Variants in NUDCD1 observed in about 807,000 individuals in gnomAD.
NUDCD1 encodes NudC domain containing 1.
In NUDCD1, 60 loss-of-function variants were observed where a neutral mutation model predicts 67.8. The ratio of observed to expected loss-of-function variants is 0.88; its 90% CI spans 0.72 to 1.10. The LOEUF (loss-of-function observed/expected upper bound fraction) is 1.10. Among genes scored for constraint, NUDCD1 ranks in the 50% least tolerant of loss-of-function variants. The probability of loss-of-function intolerance (pLI) is 0.00; values close to 1 mark genes in which losing one functional copy is unlikely to be tolerated. For missense variants in NUDCD1, 643 were observed against 695.0 expected (o/e 0.93, Z 0.84); for synonymous variants, 244 against 230.8 (o/e 1.06, Z -0.52).
intron 2 of NUDCD1, among the ~76,000 whole-genome samples, chr8:109,321,085 A>G (rs189162882): frequency 1.0e-3 from 155 of 152,370 alleles, no homozygotes; most frequent in African/African-American, 3.7e-3. Flanking sequence ...TATTAAAAAC[A>G]TGGATTTTGC....
intron 8 of NUDCD1, among the ~76,000 whole-genome samples, chr8:109,256,669 C>CTTTAGATTAT (rs1201551551): frequency 6.6e-6 from 1 of 152,060 alleles, no homozygotes; most frequent in African/African-American, 2.4e-5. Context: ...TGAAAGATAA[C>CTTTAGATTAT]TTTAGATTAC....
intron 2 of NUDCD1, among the ~76,000 whole-genome samples, chr8:109,317,496 T>C (rs1815426941): frequency 6.6e-6 from 1 of 152,176 alleles, no homozygotes; most frequent in Non-Finnish European, 1.5e-5. Context: ...TGGATAATAA[T>C]AGTATCTGGT....
At chr8:109,302,593 C>T (rs778244392) in intron 2 of NUDCD1, among the ~76,000 whole-genome samples, 29 of 152,142 alleles carry the variant, frequency 1.9e-4, no homozygotes, top group African/African-American at 6.3e-4. Context: ...GGCTTAGTTT[C>T]GTTCTGTGAC....
At chr8:109,275,272 TG>T in intron 7 of NUDCD1, 79 bp downstream of exon 7, 2 of 1,367,302 alleles carry the variant, frequency 1.5e-6, no homozygotes, top group Non-Finnish European at 2.0e-6. Flanking sequence ...AGCAAAATAT[TG>T]TTTGAAAAGC....
At chr8:109,257,209 T>C (rs1336620844) in intron 8 of NUDCD1, among the ~76,000 whole-genome samples, 1 of 152,148 alleles carries the variant, frequency 6.6e-6, no homozygotes, top group Non-Finnish European at 1.5e-5. Flanking sequence ...GAAGTTAAAC[T>C]GTCTTTATTC....
At chr8:109,255,825 G>A (rs1391918743) in intron 8 of NUDCD1, among the ~76,000 whole-genome samples, 1 of 152,150 alleles carries the variant, frequency 6.6e-6, no homozygotes, top group East Asian at 1.9e-4. Flanking sequence ...GAACATTTCA[G>A]GCAGAGATAA....
At chr8:109,329,862 A>C in intron 1 of NUDCD1, 2 of 1,549,276 alleles carry the variant, frequency 1.3e-6, no homozygotes, top group East Asian at 4.9e-5. Flanking sequence ...GGGACCCTTC[A>C]ATACAAAATC....
At chr8:109,304,302 T>G (rs372235439) in intron 2 of NUDCD1, among the ~76,000 whole-genome samples, 12 of 152,298 alleles carry the variant, frequency 7.9e-5, no homozygotes, top group African/African-American at 2.9e-4. Context: ...CTGACCTCCA[T>G]GACTGTATCT....
At chr8:109,326,451 C>T (rs1815683873) in intron 1 of NUDCD1, among the ~76,000 whole-genome samples, 1 of 152,178 alleles carries the variant, frequency 6.6e-6, no homozygotes, top group South Asian at 2.1e-4. Flanking sequence ...TTCTTAGCTA[C>T]TGGCAGAGCT....
At chr8:109,253,879 T>G (rs1464572863) in intron 8 of NUDCD1, among the ~76,000 whole-genome samples, 1 of 152,150 alleles carries the variant, frequency 6.6e-6, no homozygotes, top group Non-Finnish European at 1.5e-5. Context: ...AAAAGGATAT[T>G]GCATCATAAT....
At chr8:109,329,923 C>T in intron 1 of NUDCD1, 1 of 1,524,690 alleles carries the variant, frequency 6.6e-7, no homozygotes, top group East Asian at 2.5e-5. Flanking sequence ...ATGATAAAGT[C>T]TATGAAGTAC....
At chr8:109,332,477 C>A (rs1447002918) in intron 1 of NUDCD1, among the ~76,000 whole-genome samples, 1 of 152,104 alleles carries the variant, frequency 6.6e-6, no homozygotes, top group South Asian at 2.1e-4. Flanking sequence ...CAAGAGGAGA[C>A]CATGTGAAAG....
chr8:109,294,946 C>CTCCCA (rs1814807367), intron 3 of NUDCD1, among the ~76,000 whole-genome samples: 1 of 151,998 alleles, frequency 6.6e-6, no homozygotes, highest in Admixed American at 6.6e-5. Context: ...CACAGTATCC[C>CTCCCA]TCCCACCTCA....
chr8:109,288,898 G>A (rs546920748), intron 5 of NUDCD1, among the ~76,000 whole-genome samples: 1 of 152,084 alleles, frequency 6.6e-6, no homozygotes, highest in Admixed American at 6.5e-5. Context: ...TTATTACAGA[G>A]GAATGTTCTC....
intron 2 of NUDCD1, among the ~76,000 whole-genome samples, chr8:109,306,564 A>G (rs920778818): frequency 7.9e-5 from 12 of 151,972 alleles, no homozygotes; most frequent in Non-Finnish European, 1.6e-4. Flanking sequence ...GTGGTATATG[A>G]CAACATAAAA....
In NUDCD1 at chr8:109,287,386, T is replaced by C. The variant is rs562972604; in HGVS notation, c.823+2365A>G. 3.9e-5 allele frequency among the ~76,000 whole-genome samples: 6 copies of C among 152,226 alleles called. No homozygotes were observed. In the South Asian group the frequency reaches 6.2e-4, roughly 16 times the overall value. ...CCACAGTAAAGACATGGAATCAACA[T>C]AGGTGCCCATCAACAGTGGACTGAA... On this transcript the variant is annotated intron_variant, in intron 5 of 9. Transcript: ENST00000239690.
rs534743574 is a variant in NUDCD1, at chr8:109,286,873, A to G, written c.823+2878T>C. Among the ~76,000 whole-genome samples the G allele has an allele frequency of 5.4e-4, 82 of 152,280 alleles. 1 individual carries two copies. The highest frequency in any genetic ancestry group is 1.9e-3 in the African/African-American group (79 of 41,584). ...GAAAATATTTGCAACTACGCACCCA[A>G]CAGAAGTCTAATATCAAGGCTCTAT... On this transcript the variant is annotated intron_variant, in intron 5 of 9. Transcript: ENST00000239690.
intron 5 of NUDCD1, among the ~76,000 whole-genome samples, chr8:109,285,195 C>A (rs981075544): frequency 2.0e-5 from 3 of 151,998 alleles, no homozygotes; most frequent in Admixed American, 6.6e-5. Flanking sequence ...CAAAGAAAGC[C>A]CTGGACAGAT....
At chr8:109,263,474 G>A (rs982601937) in intron 8 of NUDCD1, among the ~76,000 whole-genome samples, 1 of 152,156 alleles carries the variant, frequency 6.6e-6, no homozygotes, top group Non-Finnish European at 1.5e-5. Context: ...TAATGCTTAT[G>A]CTGTTTACTG....
Sources: allele counts gnomAD v4.1 joint callset (sites outside exome capture counted in the v4.1 genomes callset), GRCh38; gene constraint gnomAD v4.1.1; transcripts MANE v1.5; gene names NCBI Gene and HGNC (gene_info 2026-07-23, HGNC 2026-07-21).